Variants in SPAG16 observed in about 807,000 individuals in gnomAD.
SPAG16 encodes the protein sperm associated antigen 16.
A neutral mutation model predicts 80.4 loss-of-function variants in SPAG16; 86 were observed. The observed-to-expected ratio is 1.07, with a 90% CI of 0.90 to 1.28. The LOEUF (loss-of-function observed/expected upper bound fraction) is 1.28, where lower values mean the gene tolerates loss of function less well. Ranked by LOEUF, SPAG16 falls within the 50% of genes most tolerant of loss-of-function variation. SPAG16 has a pLI of 0.00. For synonymous variants in SPAG16, 294 were observed against 265.9 expected (o/e 1.11, Z -1.03); for missense variants, 870 against 765.3 (o/e 1.14, Z -1.61).
chr2:213,910,992 C>T (rs17759409), intron 11 of SPAG16, among the ~76,000 whole-genome samples: 27,851 of 152,052 alleles, frequency 0.18, 3,225 homozygotes, highest in South Asian at 0.32. Context: ...TTTCCACTTC[C>T]TACTTAGTGA....
intron 10 of SPAG16, among the ~76,000 whole-genome samples, chr2:213,575,382 C>T (rs370811847): frequency 6.6e-6 from 1 of 151,982 alleles, no homozygotes; most frequent in Non-Finnish European, 1.5e-5. Flanking sequence ...ACCTTAAAAG[C>T]AATAATAAAA....
intron 9 of SPAG16, among the ~76,000 whole-genome samples, chr2:213,439,055 C>T (rs1245588178): frequency 6.6e-6 from 1 of 152,184 alleles, no homozygotes; most frequent in Non-Finnish European, 1.5e-5. Context: ...GACTCGGAGA[C>T]TCAGATGAGA....
intron 12 of SPAG16, among the ~76,000 whole-genome samples, chr2:213,958,862 A>G (rs2106344699): frequency 1.3e-5 from 2 of 152,176 alleles, no homozygotes; most frequent in Middle Eastern, 6.8e-3. Flanking sequence ...TTTATTTCTT[A>G]ATGTGGCTTT....
intron 15 of SPAG16, among the ~76,000 whole-genome samples, chr2:214,229,006 G>C (rs747711698): frequency 1.3e-4 from 20 of 151,792 alleles, no homozygotes; most frequent in Non-Finnish European, 2.4e-4. Context: ...CAGCTGCAAA[G>C]AATTATGTTA....
intron 13 of SPAG16, among the ~76,000 whole-genome samples, chr2:214,032,394 T>C (rs1290080636): frequency 1.3e-5 from 2 of 152,246 alleles, no homozygotes; most frequent in Non-Finnish European, 2.9e-5. Flanking sequence ...AATCTGTTGC[T>C]GTTTCCATAA....
At chr2:213,556,770 C>T (rs1023940479) in intron 10 of SPAG16, among the ~76,000 whole-genome samples, 1 of 152,142 alleles carries the variant, frequency 6.6e-6, no homozygotes, top group Non-Finnish European at 1.5e-5. Context: ...GCAAACCATT[C>T]CATCCAACAG....
chr2:213,413,164 A>G (rs946200112), intron 9 of SPAG16, among the ~76,000 whole-genome samples: 9 of 152,184 alleles, frequency 5.9e-5, no homozygotes, highest in Non-Finnish European at 1.5e-5. Flanking sequence ...TAATTGCATT[A>G]CCATTCTTGT....
chr2:213,542,552 C>G (rs2076482514), intron 10 of SPAG16, among the ~76,000 whole-genome samples: 2 of 152,004 alleles, frequency 1.3e-5, no homozygotes, highest in African/African-American at 4.8e-5. Context: ...ACTGATGTCA[C>G]TAATTATGAT....
chr2:213,724,140 G>T (rs2066649070), intron 10 of SPAG16, among the ~76,000 whole-genome samples: 1 of 152,172 alleles, frequency 6.6e-6, no homozygotes, highest in African/African-American at 2.4e-5. Flanking sequence ...TACTTGACAT[G>T]AGTGGAAATA....
chr2:214,161,925 A>G (rs974585484), intron 15 of SPAG16, among the ~76,000 whole-genome samples: 4 of 152,010 alleles, frequency 2.6e-5, no homozygotes, highest in Admixed American at 6.6e-5. Context: ...TTTTTGGAGG[A>G]GGGATTGCTG....
chr2:213,954,771 G>A (rs1313641565), intron 12 of SPAG16, among the ~76,000 whole-genome samples: 1 of 152,134 alleles, frequency 6.6e-6, no homozygotes, highest in African/African-American at 2.4e-5. Context: ...CCTACCAGCA[G>A]TCTATGAGAA....
chr2:213,480,475 A>G (rs1454223666), intron 9 of SPAG16, among the ~76,000 whole-genome samples: 1 of 152,260 alleles, frequency 6.6e-6, no homozygotes, highest in East Asian at 1.9e-4. Context: ...AAAACTAATC[A>G]GAAAATCTTT....
At chr2:214,043,255 C>T (rs1311381013) in intron 13 of SPAG16, among the ~76,000 whole-genome samples, 2 of 151,944 alleles carry the variant, frequency 1.3e-5, no homozygotes, top group African/African-American at 2.4e-5. Flanking sequence ...TCACATTTTC[C>T]AGGGAGAAGA....
At chr2:213,371,459 A>C (rs1372909278) in intron 8 of SPAG16, among the ~76,000 whole-genome samples, 1 of 151,164 alleles carries the variant, frequency 6.6e-6, no homozygotes, top group Non-Finnish European at 1.5e-5. Context: ...GTTGTTCTTC[A>C]TAATTCCTGT....
chr2:213,710,542 G>A (rs1010737255), intron 10 of SPAG16, among the ~76,000 whole-genome samples: 1 of 152,168 alleles, frequency 6.6e-6, no homozygotes, highest in Admixed American at 6.5e-5. Context: ...TTGTATGGCT[G>A]TGTTGTAGTG....
chr2:214,407,504 T>C (rs953858020), intron 15 of SPAG16, among the ~76,000 whole-genome samples: 3 of 152,150 alleles, frequency 2.0e-5, no homozygotes, highest in Non-Finnish European at 4.4e-5. Flanking sequence ...AGTTCTGATA[T>C]AGTTAAATCT....
intron 15 of SPAG16, among the ~76,000 whole-genome samples, chr2:214,171,882 T>C (rs1271494145): frequency 1.3e-5 from 2 of 151,924 alleles, no homozygotes; most frequent in African/African-American, 4.8e-5. Context: ...TTTTATTGTG[T>C]ATATTTGAGA....
intron 15 of SPAG16, among the ~76,000 whole-genome samples, chr2:214,175,599 C>T (rs924889002): frequency 6.6e-6 from 1 of 151,104 alleles, no homozygotes; most frequent in Non-Finnish European, 1.5e-5. Flanking sequence ...TGGGAAGACA[C>T]CTCAAAGCCA....
intron 10 of SPAG16, among the ~76,000 whole-genome samples, chr2:213,495,077 T>C: frequency 6.6e-6 from 1 of 152,224 alleles, no homozygotes; most frequent in South Asian, 2.1e-4. Context: ...CATTCATGGT[T>C]CTCAGTAGGC....
Sources: gnomAD v4.1 joint callset for allele counts (sites outside exome capture counted in the v4.1 genomes callset) on GRCh38, gnomAD v4.1.1 for gene constraint, MANE v1.5 for transcripts, NCBI Gene and HGNC (gene_info 2026-07-23, HGNC 2026-07-21) for gene names.